The following CLEC2A variants were observed in gnomAD, a reference collection of about 807,000 sequenced individuals.
CLEC2A encodes C-type lectin domain family 2 member A, also known as keratinocyte-associated C-type lectin.
CLEC2A carries 19 observed loss-of-function variants against 18.6 expected under a neutral mutation model. The observed-to-expected ratio is 1.02, with a 90% CI of 0.71 to 1.50. The LOEUF (loss-of-function observed/expected upper bound fraction) is 1.50. CLEC2A is among the 40% of genes most tolerant of loss of function. The pLI is 0.00. For synonymous variants in CLEC2A, 74 were observed against 64.0 expected (o/e 1.16, Z -0.75); for missense variants, 190 against 207.9 (o/e 0.91, Z 0.53).
Position 9,913,537 on chromosome 12 carries a change from G to T in CLEC2A, c.*29C>A. ...TTAGCTCTTCTTTCAATCTTGAAGT[G>T]TGATAATCATTTTCAAGTTTTTTCT... On this transcript the variant is annotated 3_prime_UTR_variant, in exon 5 of 5. Transcript: ENST00000455827. 6.5e-7 allele frequency: 1 copy of T among 1,535,098 alleles called. No individual in the cohort carries two copies. The highest frequency in any genetic ancestry group is 2.5e-5 in the East Asian group (1 of 40,720).
At chr12:9,922,826 C>T (rs1863195860) in intron 2 of CLEC2A, among the ~76,000 whole-genome samples, 1 of 152,174 alleles carries the variant, frequency 6.6e-6, no homozygotes, top group Non-Finnish European at 1.5e-5. Flanking sequence ...ATGCATTCCA[C>T]ATGTTTGAAT....
At chr12:9,900,534 T>C (rs1862811748) in intron 4 of CLEC2A, among the ~76,000 whole-genome samples, 1 of 152,244 alleles carries the variant, frequency 6.6e-6, no homozygotes, top group African/African-American at 2.4e-5. Flanking sequence ...CATAGGCTTT[T>C]TGGGTTGGCT....
At chr12:9,902,391 C>G (rs1185672208) in intron 4 of CLEC2A, among the ~76,000 whole-genome samples, 1 of 151,916 alleles carries the variant, frequency 6.6e-6, no homozygotes, top group Non-Finnish European at 1.5e-5. Context: ...CACCATTGCG[C>G]CTGGTTAATT....
chr12:9,899,585 C>A (rs533810293), intron 4 of CLEC2A, among the ~76,000 whole-genome samples: 2 of 152,214 alleles, frequency 1.3e-5, no homozygotes, highest in Non-Finnish European at 2.9e-5. Context: ...CCTCTTCCAT[C>A]TTTGCATCCC....
rs117820117 is a variant in CLEC2A at position 9,905,442 on chromosome 12, A to C, written c.411-6466T>G. 1.5e-3 allele frequency among the ~76,000 whole-genome samples: 232 copies of C among 152,364 alleles called. 5 individuals carry two copies. In the East Asian group the frequency reaches 0.036, roughly 24 times the overall value. The stretch of plus-strand genomic sequence containing the variant: ...AGAGAAAGTGGAAGACAGTCCACGT[A>C]CATAGCTTTTGAGGAATTGGTCTTT... On this transcript the variant is annotated intron_variant, in intron 4 of 4. Transcript: ENST00000339766.
At chr12:9,916,370 G>A (rs1187198013) in intron 4 of CLEC2A, among the ~76,000 whole-genome samples, 1 of 152,078 alleles carries the variant, frequency 6.6e-6, no homozygotes, top group Non-Finnish European at 1.5e-5. Context: ...AGTAATACGT[G>A]AGTTTTGGCT....
At chr12:9,895,794 A>T, downstream of CLEC2A, 1 of 1,535,560 alleles carries the variant, frequency 6.5e-7, no homozygotes, top group Non-Finnish European at 8.7e-7. Flanking sequence ...TTTGCCAGAG[A>T]GATGCGATCT....
intron 3 of CLEC2A, among the ~76,000 whole-genome samples, chr12:9,919,095 G>A (rs1247150530): frequency 6.6e-6 from 1 of 152,210 alleles, no homozygotes; most frequent in Non-Finnish European, 1.5e-5. Flanking sequence ...CTCTCTCAAT[G>A]TTCTGAAAAT....
At chr12:9,906,031 T>TG (rs1862903898) in intron 4 of CLEC2A, among the ~76,000 whole-genome samples, 1 of 151,492 alleles carries the variant, frequency 6.6e-6, no homozygotes, top group African/African-American at 2.4e-5. Context: ...TTTTGTTTTT[T>TG]TTTTTTTTAC....
At chr12:9,903,855 T>A (rs1466827911) in intron 4 of CLEC2A, among the ~76,000 whole-genome samples, 1 of 152,214 alleles carries the variant, frequency 6.6e-6, no homozygotes, top group Non-Finnish European at 1.5e-5. Flanking sequence ...TCCAATGGCA[T>A]CTATATAAAC....
the CLEC2A span, among the ~76,000 whole-genome samples, chr12:9,879,924 G>A: frequency 6.6e-5 from 10 of 152,180 alleles, no homozygotes; most frequent in Non-Finnish European, 1.3e-4. Flanking sequence ...CTCAGACTCC[G>A]ATGGCACATG....
At position 9,922,232 on chromosome 12, in the gene CLEC2A, G is replaced by A; in HGVS notation, c.140C>T (p.Ala47Val). 1.3e-6 allele frequency: 2 copies of A among 1,506,836 alleles called. No individual in the cohort carries two copies. The highest frequency in any genetic ancestry group is 1.8e-6 in the Non-Finnish European group (2 of 1,127,580). The allele number at this position is 1,506,836 out of a possible 1,614,324, so 93.3% of individuals were successfully genotyped here. Reference sequence around the variant, plus strand: ...AGGTTTAGCATGCTTGGACCATGTGGCTGAAAAAAAAAGAAAGAAATGATC... The same window carrying A: ...AGGTTTAGCATGCTTGGACCATGTGACTGAAAAAAAAAGAAAGAAATGATC... ...IITTVCIIMI[A>V]TWSKHAKPVA... The change falls in exon 3 of 5, where the codon GCC (alanine) becomes GTC (valine). Residue 47 changes from alanine (A) to valine (V), a missense_variant and splice_region_variant. Coordinates refer to ENST00000455827, the MANE Select transcript of CLEC2A (RefSeq NM_001130711.2).
At chr12:9,917,817 T>A (rs1393824310) in intron 3 of CLEC2A, among the ~76,000 whole-genome samples, 3 of 152,232 alleles carry the variant, frequency 2.0e-5, no homozygotes, top group Admixed American at 6.5e-5. Context: ...TGAGATGATA[T>A]CTCGTTGTGG....
exon 5 of CLEC2A, chr12:9,898,860 G>A (rs950386222): frequency 4.3e-6 from 3 of 705,758 alleles, no homozygotes; most frequent in Non-Finnish European, 7.8e-6. Flanking sequence ...TGCTGACAGG[G>A]GACATTGTTT....
chr12:9,885,074 T>G, the CLEC2A span: 1 of 712,128 alleles, frequency 1.4e-6, no homozygotes, highest in African/African-American at 1.8e-5. Context: ...TTTCAGAAGA[T>G]AAATGTTGAT....
chr12:9,884,651 G>T, the CLEC2A span, among the ~76,000 whole-genome samples: 5 of 148,780 alleles, frequency 3.4e-5, no homozygotes, highest in African/African-American at 1.2e-4. Context: ...TATATAATAT[G>T]TATTTGTATG....
downstream of CLEC2A, chr12:9,895,916 A>G (rs940396421): frequency 1.5e-6 from 2 of 1,329,138 alleles, no homozygotes; most frequent in African/African-American, 1.5e-5. Context: ...TAAAGTTTCT[A>G]ACAGAAAGTT....
chr12:9,916,967 T>A (rs1863082379), intron 3 of CLEC2A, among the ~76,000 whole-genome samples, 164 bp from the exon 4 acceptor site: 1 of 152,204 alleles, frequency 6.6e-6, no homozygotes, highest in Non-Finnish European at 1.5e-5. Context: ...TTTGGGTTAG[T>A]TTTATCAGAA....
intron 4 of CLEC2A, among the ~76,000 whole-genome samples, chr12:9,899,960 A>G (rs967276963): frequency 1.3e-5 from 2 of 152,184 alleles, no homozygotes; most frequent in Admixed American, 6.5e-5. Context: ...GAGGAGTTGC[A>G]TGGACTCCTT....
Sources: gnomAD v4.1 joint callset for allele counts (sites outside exome capture counted in the v4.1 genomes callset) on GRCh38, gnomAD v4.1.1 for gene constraint, MANE v1.5 for transcripts, NCBI Gene and HGNC (gene_info 2026-07-23, HGNC 2026-07-21) for gene names.